Variants in ABCC11 observed in about 807,000 individuals in gnomAD.
ABCC11 encodes ATP-binding cassette sub-family C member 11.
A neutral mutation model predicts 149.3 loss-of-function variants in ABCC11; 135 were observed. The observed-to-expected ratio is 0.90, with a 90% CI of 0.79 to 1.04. The LOEUF is 1.04. Among genes scored for constraint, ABCC11 ranks in the 50% least tolerant of loss-of-function variants. The pLI, the probability that ABCC11 is intolerant of heterozygous loss-of-function variation, is 0.00. For missense variants in ABCC11, 1,680 were observed against 1,722.1 expected, an observed-to-expected ratio of 0.98 and a Z score of 0.43; for synonymous variants, 665 against 671.4, an observed-to-expected ratio of 0.99 and a Z score of 0.15.
rs552890359 is a variant in ABCC11, at chr16:48,201,035, C to T, written c.1879-556G>A. Among the ~76,000 whole-genome samples, 13 of 152,118 alleles carry T rather than the reference C, an allele frequency of 8.5e-5. No individual in the cohort carries two copies. In the East Asian group the frequency reaches 2.1e-3, roughly 25 times the overall value. On this transcript the variant is annotated intron_variant, in intron 14 of 29. Transcript: ENST00000356608. ...GCATCAATAAAAATATTTTTCAAAACGTGGTTAGTAGGGGATGAATAAATT... is the reference window on the plus strand; with the variant it reads ...GCATCAATAAAAATATTTTTCAAAATGTGGTTAGTAGGGGATGAATAAATT...
intron 27 of ABCC11, among the ~76,000 whole-genome samples, chr16:48,170,550 T>C (rs1408398434): frequency 6.6e-6 from 1 of 152,232 alleles, no homozygotes; most frequent in African/African-American, 2.4e-5. Context: ...TCTATGGGTC[T>C]CATGACTACC....
rs759564176 is a variant in ABCC11 at position 48,176,904 on chromosome 16, G to A, written c.3538+20C>T. 6 of 1,610,364 alleles carry A rather than the reference G, an allele frequency of 3.7e-6. No homozygotes were observed. The highest frequency in any genetic ancestry group is 2.0e-4 in the Middle Eastern group (1 of 5,046). ...GGCAAAGGAGGAGCTGGGGACGCTC[G>A]CCCAGGAAGCTCAGCTCACCAGAGC... On this transcript the variant is annotated intron_variant, in intron 25 of 29. Transcript: ENST00000356608.
In ABCC11 at chr16:48,182,313, C is replaced by T. The variant is rs992049128; in HGVS notation, c.3258+2127G>A. Among the ~76,000 whole-genome samples the T allele has an allele frequency of 2.0e-5, 3 of 152,184 alleles. No individual in the cohort carries two copies. In the East Asian group the frequency reaches 5.8e-4, roughly 29 times the overall value. On this transcript the variant is annotated intron_variant, in intron 23 of 29. Coordinates refer to ENST00000356608, the MANE Select transcript of ABCC11 (RefSeq NM_001370497.1). ...GTGTGTGCAGAGCCTTCTGCAGACACATGGACATTCAGAGAGCTATGTGGT... is the reference window on the plus strand; with the variant it reads ...GTGTGTGCAGAGCCTTCTGCAGACATATGGACATTCAGAGAGCTATGTGGT...
chr16:48,186,914 G>A (rs760757714), intron 22 of ABCC11, 39 bp downstream of exon 22: 1 of 1,611,790 alleles, frequency 6.2e-7, no homozygotes, highest in Non-Finnish European at 8.5e-7. Flanking sequence ...CACCACCCCT[G>A]TGGTTCCATC....
chr16:48,239,350 C>T (rs1970843995), intron 1 of ABCC11, among the ~76,000 whole-genome samples: 1 of 152,020 alleles, frequency 6.6e-6, no homozygotes, highest in African/African-American at 2.4e-5. Flanking sequence ...ATCACGAGGT[C>T]AGGAGATCAA....
In ABCC11 at chr16:48,213,618, G is replaced by A. The variant is rs141508035; in HGVS notation, c.1249-68C>T. The A allele has an allele frequency of 5.6e-4, 669 of 1,196,426 alleles. 3 individuals carry two copies. The African/African-American group carries it at 9.0e-3, about 16-fold the overall frequency. 74.1% of individuals were successfully genotyped at this position (1,196,426 alleles called of 1,614,324 possible). A position where few individuals can be genotyped will look rare whatever the true frequency, so the allele number is the denominator to read the frequency against. ...CTGCTTCCTCCATTCCCTGTCACCC[G>A]CATCCCTGAGCCACATCCTCAGCAT... On this transcript the variant is annotated intron_variant, in intron 9 of 29. Coordinates refer to ENST00000356608, the MANE Select transcript of ABCC11 (RefSeq NM_001370497.1).
Position 48,222,768 on chromosome 16 carries a change from C to G in ABCC11, c.607G>C (p.Val203Leu). ...AGAAAAAGGGCAAAGCAGAGTCCCA[C>G]TCCATGGACAACATTCCCCAACTGC... is the stretch of plus-strand genomic sequence containing the variant. ...EEQLGNVVHG[V>L]GLCFALFLSE... Residue 203 changes from valine to leucine, a missense_variant, in exon 6 of 30, where the codon GTG becomes CTG. Val to Leu is a conservative substitution (Grantham distance 32). Transcript: ENST00000356608. The G allele has an allele frequency of 6.2e-7, 1 of 1,614,242 alleles. No homozygotes were observed. The highest frequency in any genetic ancestry group is 2.2e-5 in the East Asian group (1 of 44,892).
At chr16:48,211,505 G>C (rs1004388416) in intron 10 of ABCC11, among the ~76,000 whole-genome samples, 1 of 152,152 alleles carries the variant, frequency 6.6e-6, no homozygotes, top group Admixed American at 6.5e-5. Context: ...CATCCCAAGT[G>C]ATGATAGCCA....
In ABCC11 at chr16:48,175,347, G is replaced by C. The variant is rs773777352; in HGVS notation, c.3609C>G (p.Gly1203=). The C allele has an allele frequency of 1.9e-6, 3 of 1,614,148 alleles. No individual in the cohort carries two copies. The East Asian group carries it at 6.7e-5, about 36-fold the overall frequency. The change falls in exon 26 of 30, where the codon GGC becomes GGG. Residue 1203 remains glycine (G), a synonymous_variant. Coordinates refer to ENST00000356608, the MANE Select transcript of ABCC11 (RefSeq NM_001370497.1). ...CCAGGCCGATGCTGCAAATGTCCAC[G>C]CCGTCAATGAGAATCCGGCCTGCCA... is the stretch of plus-strand genomic sequence containing the variant. ...EPMAGRILID[G]VDICSIGLED...
chr16:48,178,832 C>T (rs2150740996), intron 23 of ABCC11, 146 bp from the exon 24 acceptor site: 1 of 696,378 alleles, frequency 1.4e-6, no homozygotes, highest in East Asian at 2.7e-5. Context: ...GAGCAGAGGC[C>T]CCTGGTGCCT....
At chr16:48,192,742 A>G (rs1243096487) in intron 19 of ABCC11, 25 bp from the exon 20 acceptor site, 2 of 1,610,326 alleles carry the variant, frequency 1.2e-6, no homozygotes, top group East Asian at 4.5e-5. Flanking sequence ...AGGGGGTCTG[A>G]CTGCAGGTGT....
Position 48,200,415 on chromosome 16 carries a change from A to C in ABCC11, c.1943T>G (p.Val648Gly), listed in dbSNP as rs1393044208. 2 of 1,614,096 alleles carry C rather than the reference A, an allele frequency of 1.2e-6. No homozygotes were observed. The highest frequency in any genetic ancestry group is 1.3e-5 in the African/African-American group (1 of 74,936). The change falls in exon 15 of 30, where the codon GTC becomes GGC. Residue 648 changes from valine to glycine, a missense_variant. Physicochemically the swap from Val to Gly is moderately radical, Grantham distance 109. Transcript: ENST00000356608. ...CAGGTAGATCTGACGGTCGGAATAG[A>C]CGGCGCGGGCCAGGCTGATCCTCTG... ...QKQRISLARA[V>G]YSDRQIYLLD... is the part of the protein sequence containing the mutation.
chr16:48,208,299 TA>T, intron 12 of ABCC11, 125 bp downstream of exon 12: 2 of 1,020,294 alleles, frequency 2.0e-6, no homozygotes, highest in Non-Finnish European at 2.9e-6. Flanking sequence ...TTTTGATTTA[TA>T]AAAATCCCAC....
chr16:48,192,265 G>A (rs1421672977), intron 20 of ABCC11, among the ~76,000 whole-genome samples: 1 of 152,058 alleles, frequency 6.6e-6, no homozygotes, highest in Non-Finnish European at 1.5e-5. Context: ...GCAACGTGGT[G>A]AAACCCAGTC....
intron 18 of ABCC11, among the ~76,000 whole-genome samples, chr16:48,195,321 T>C (rs1439979999): frequency 6.6e-6 from 1 of 152,134 alleles, no homozygotes; most frequent in Non-Finnish European, 1.5e-5. Flanking sequence ...AGCTGCTAGA[T>C]CCATTCATGC....
In ABCC11 at chr16:48,167,328, C is replaced by A. The variant is rs202176796; in HGVS notation, c.4095G>T (p.Lys1365Asn). Reference sequence around the variant, plus strand: ...TGAGGGCTGCGAACAATGACCCAGGCTTCTTCCGCAGTACCTCCGGCCGAT... The same window carrying A: ...TGAGGGCTGCGAACAATGACCCAGGATTCTTCCGCAGTACCTCCGGCCGAT... ...EFDRPEVLRK[K>N]PGSLFAALMA... Residue 1365 changes from lysine to asparagine, a missense_variant, in exon 30 of 30, where the codon AAG becomes AAT. By Grantham distance (94) the Lys-to-Asn change is moderately conservative (BLOSUM62 0). Coordinates refer to ENST00000356608, the MANE Select transcript of ABCC11 (RefSeq NM_001370497.1). The A allele has an allele frequency of 1.1e-5, 11 of 1,031,032 alleles. No individual in the cohort carries two copies. The highest frequency in any genetic ancestry group is 1.7e-5 in the Admixed American group (1 of 59,314). The allele number at this position is 1,031,032 out of a possible 1,614,324, so 63.9% of individuals were successfully genotyped here.
chr16:48,226,025 A>AT (rs542565101), intron 4 of ABCC11, among the ~76,000 whole-genome samples: 2 of 152,040 alleles, frequency 1.3e-5, no homozygotes, highest in Non-Finnish European at 2.9e-5. Context: ...GCAAACTCAA[A>AT]TTGACTTAGC....
chr16:48,236,485 C>G (rs1321494806), intron 1 of ABCC11, among the ~76,000 whole-genome samples: 1 of 152,174 alleles, frequency 6.6e-6, no homozygotes, highest in African/African-American at 2.4e-5. Flanking sequence ...TTCTGCATAC[C>G]TCATTGAATG....
intron 27 of ABCC11, 35 bp from the exon 28 acceptor site, chr16:48,170,253 A>G (rs1294041364): frequency 1.9e-6 from 3 of 1,569,076 alleles, no homozygotes; most frequent in Non-Finnish European, 2.6e-6. Context: ...CATAACCTGG[A>G]AGCCACTGTG....
Sources: allele counts gnomAD v4.1 joint callset (sites outside exome capture counted in the v4.1 genomes callset), GRCh38; gene constraint gnomAD v4.1.1; transcripts MANE v1.5; gene names NCBI Gene and HGNC (gene_info 2026-07-23, HGNC 2026-07-21).